Variants in PLS3 observed in about 807,000 individuals in gnomAD.
The protein encoded by PLS3 is plastin 3.
In PLS3, 11 loss-of-function variants were observed where a neutral mutation model predicts 46.5. The observed-to-expected ratio is 0.24, with a 90% CI of 0.15 to 0.39. The LOEUF is 0.39. Among genes scored for constraint, PLS3 ranks in the 10% least tolerant of loss-of-function variants. The pLI is 1.00. For missense variants in PLS3, 308 were observed against 461.8 expected (o/e 0.67, Z 3.05); for synonymous variants, 167 against 162.2 (o/e 1.03, Z -0.22).
At position 115,650,445 on chromosome X, in the gene PLS3, G is replaced by A. The variant is rs1459936484; in HGVS notation, c.*884G>A. 9 of 111,772 alleles carry A rather than the reference G, an allele frequency of 8.1e-5. No homozygotes were observed. Among genetic ancestry groups the A allele is most frequent in the Admixed American group, 9.6e-5 (1 of 10,432 alleles). The allele number at this position is 111,772 out of a possible 1,213,427, so 9.2% of individuals were successfully genotyped here. A position where few individuals can be genotyped will look rare whatever the true frequency, so the allele number is the denominator to read the frequency against. On this transcript the variant is annotated 3_prime_UTR_variant, in exon 16 of 16. Transcript: ENST00000355899. ...GAGAGAGTGTGCTCAGAACTTAGAC[G>A]GGATTTGGTAGGCCAAGTATGCTAA...
At chrX:115,619,623 C>G (rs2074629528) in intron 2 of PLS3, among the ~76,000 whole-genome samples, 1 of 112,653 alleles carries the variant, frequency 8.9e-6, no homozygotes, top group African/African-American at 3.2e-5. Flanking sequence ...AATATACATC[C>G]TAGGGAAATT....
At chrX:115,568,904 C>T (rs782453205) in intron 1 of PLS3, among the ~76,000 whole-genome samples, 11 of 111,127 alleles carry the variant, frequency 9.9e-5, no homozygotes, top group Non-Finnish European at 1.3e-4. Flanking sequence ...AGCATGGTGG[C>T]GCACGCCTGT....
intron 1 of PLS3, among the ~76,000 whole-genome samples, chrX:115,594,644 CCTCTCT>C (rs782282497): frequency 0.025 from 2,384 of 96,504 alleles, 32 homozygotes; most frequent in African/African-American, 0.045. Flanking sequence ...TCTCTCCCTC[CCTCTCT>C]CTCTCTCTCT....
chrX:115,613,917 A>G (rs782259859), intron 2 of PLS3, among the ~76,000 whole-genome samples: 146 of 111,948 alleles, frequency 1.3e-3, no homozygotes, highest in Non-Finnish European at 1.9e-3. Flanking sequence ...TATTTTTTTA[A>G]GTGAAGCCTG....
At position 115,586,760 on chromosome X, in the gene PLS3, G is replaced by A. The variant is rs180756939; in HGVS notation, c.-8-23483G>A. On this transcript the variant is annotated intron_variant, in intron 1 of 15. Transcript: ENST00000355899. ...TGATAAAGTCTTGCCTTTTAGACAT[G>A]AACCTGATTCAGCAAAATGTGCTTT... is the stretch of plus-strand genomic sequence containing the variant. 6.6e-3 allele frequency among the ~76,000 whole-genome samples: 739 copies of A among 111,137 alleles called. 5 individuals are homozygous for A. Among genetic ancestry groups the A allele is most frequent in the African/African-American group, 0.023 (695 of 30,652 alleles).
At chrX:115,586,739 AAAGT>A (rs2074312023) in intron 1 of PLS3, among the ~76,000 whole-genome samples, 1 of 111,298 alleles carries the variant, frequency 9.0e-6, no homozygotes, top group African/African-American at 3.3e-5. Context: ...CTGTCATGAT[AAAGT>A]CTTGCCTTTT....
chrX:115,619,828 C>T (rs1200278805), intron 2 of PLS3, among the ~76,000 whole-genome samples: 1 of 112,007 alleles, frequency 8.9e-6, no homozygotes, highest in Non-Finnish European at 1.9e-5. Flanking sequence ...GAGCCATGCT[C>T]GTGCCACTCC....
In PLS3 at chrX:115,582,332, C is replaced by A. The variant is rs142625579; in HGVS notation, c.-9+21072C>A. 3.9e-3 allele frequency among the ~76,000 whole-genome samples: 432 copies of A among 111,771 alleles called. 2 individuals are homozygous for A. Among genetic ancestry groups the A allele is most frequent in the African/African-American group, 0.013 (412 of 30,823 alleles). On this transcript the variant is annotated intron_variant, in intron 1 of 15. Transcript: ENST00000355899. ...ACCACAAAAGCTTTTTGACTTGTGG[C>A]AGAATTCATTATGATGAGACTTTAG...
chrX:115,649,180 C>A (rs1490145272), intron 15 of PLS3, among the ~76,000 whole-genome samples: 1 of 111,470 alleles, frequency 9.0e-6, no homozygotes, highest in Non-Finnish European at 1.9e-5. Flanking sequence ...ATTCTCACCT[C>A]ACATTGGAGA....
At chrX:115,572,051 C>CA (rs1556630779) in intron 1 of PLS3, among the ~76,000 whole-genome samples, 2 of 111,909 alleles carry the variant, frequency 1.8e-5, no homozygotes, top group African/African-American at 6.5e-5. Context: ...AATTAAAAAG[C>CA]AAATAGAGCC....
intron 1 of PLS3, among the ~76,000 whole-genome samples, chrX:115,582,703 C>T (rs1337340136): frequency 1.8e-5 from 2 of 112,338 alleles, no homozygotes; most frequent in Non-Finnish European, 3.8e-5. Context: ...ACCATTGTTG[C>T]TGAATTAAAC....
intron 1 of PLS3, among the ~76,000 whole-genome samples, chrX:115,593,000 G>T (rs2074355944): frequency 9.0e-6 from 1 of 111,699 alleles, no homozygotes; most frequent in Non-Finnish European, 1.9e-5. Flanking sequence ...AGAAAATATA[G>T]TTCCTACACA....
chrX:115,639,762 T>C (rs1556640747), intron 8 of PLS3: 1 of 359,216 alleles, frequency 2.8e-6, no homozygotes, highest in Admixed American at 3.0e-5. Flanking sequence ...CCTGAATTCA[T>C]GTTGACTGTG....
At chrX:115,613,738 T>C (rs1556636392) in intron 2 of PLS3, among the ~76,000 whole-genome samples, 1 of 110,496 alleles carries the variant, frequency 9.1e-6, no homozygotes, top group African/African-American at 3.3e-5. Flanking sequence ...GCTCAAGTGA[T>C]CCTCCCACCT....
At chrX:115,599,390 G>A (rs1243872800) in intron 1 of PLS3, among the ~76,000 whole-genome samples, 2 of 103,673 alleles carry the variant, frequency 1.9e-5, no homozygotes, top group African/African-American at 7.0e-5. Flanking sequence ...GTATGGTGGT[G>A]CATGCTTGTA....
At chrX:115,594,659 C>G (rs989131169) in intron 1 of PLS3, among the ~76,000 whole-genome samples, 1 of 105,483 alleles carries the variant, frequency 9.5e-6, no homozygotes, top group Non-Finnish European at 1.9e-5. Flanking sequence ...CTCTCTCTCT[C>G]TCTCTCTCTC....
intron 1 of PLS3, among the ~76,000 whole-genome samples, chrX:115,588,783 GATA>G (rs1278949640): frequency 9.0e-6 from 1 of 110,819 alleles, no homozygotes; most frequent in African/African-American, 3.3e-5. Context: ...AGACCCTCAG[GATA>G]GAAAATTGTA....
chrX:115,631,215 C>T (rs1205004345), intron 5 of PLS3, among the ~76,000 whole-genome samples: 3 of 101,250 alleles, frequency 3.0e-5, no homozygotes, highest in African/African-American at 1.2e-4. Flanking sequence ...ACCACCACAC[C>T]CGGCTAAATT....
At chrX:115,648,045 A>G (rs2074969966) in intron 15 of PLS3, 28 bp downstream of exon 15, 1 of 1,075,694 alleles carries the variant, frequency 9.3e-7, no homozygotes, top group East Asian at 3.0e-5. Context: ...TAGTATGAAA[A>G]GAACGCAGCT....
Sources: allele counts gnomAD v4.1 joint callset (sites outside exome capture counted in the v4.1 genomes callset), GRCh38; gene constraint gnomAD v4.1.1; transcripts MANE v1.5; gene names NCBI Gene and HGNC (gene_info 2026-07-23, HGNC 2026-07-21).